CSTL1: variants seen among roughly 807,000 people sequenced by gnomAD.
The protein encoded by CSTL1 is cystatin-like 1.
CSTL1 carries 14 observed loss-of-function variants against 14.4 expected under a neutral mutation model. The observed-to-expected ratio is 0.97, with a 90% confidence interval of 0.64 to 1.52. The LOEUF is 1.52. Ranked by LOEUF, CSTL1 falls within the 40% of genes most tolerant of loss-of-function variation. The pLI is 0.00. For missense variants in CSTL1, 170 were observed against 168.7 expected (o/e 1.01, Z -0.04); for synonymous variants, 72 against 67.5 (o/e 1.07, Z -0.33).
the CSTL1 span, among the ~76,000 whole-genome samples, chr20:23,451,014 A>G: frequency 6.6e-6 from 1 of 151,718 alleles, no homozygotes; most frequent in South Asian, 2.1e-4. Flanking sequence ...CCATCCATTT[A>G]TCCTTCAGTC....
downstream of CSTL1, chr20:23,444,936 C>T: frequency 8.5e-7 from 1 of 1,178,158 alleles, no homozygotes; most frequent in Non-Finnish European, 1.3e-6. Flanking sequence ...GATCATGTCT[C>T]CCTCATTGGG....
intron 2 of CSTL1, 47 bp downstream of exon 2, chr20:23,440,533 A>G (rs1009462768): frequency 2.1e-6 from 3 of 1,412,234 alleles, no homozygotes; most frequent in Admixed American, 1.7e-5. Context: ...TGTTCTTGCC[A>G]GTTCAGACAT....
the CSTL1 span, among the ~76,000 whole-genome samples, chr20:23,456,613 C>G: frequency 6.6e-6 from 1 of 152,198 alleles, no homozygotes; most frequent in Non-Finnish European, 1.5e-5. Flanking sequence ...CCCCTGGCAG[C>G]TGTGCTCATT....
chr20:23,453,232 G>A, the CSTL1 span, among the ~76,000 whole-genome samples: 5 of 151,936 alleles, frequency 3.3e-5, no homozygotes, highest in East Asian at 9.7e-4. Flanking sequence ...GGCACTGTGG[G>A]GAGGGGCCGC....
chr20:23,454,397 T>C, the CSTL1 span, among the ~76,000 whole-genome samples: 82 of 150,700 alleles, frequency 5.4e-4, no homozygotes, highest in African/African-American at 1.7e-3. Context: ...ACAACACACA[T>C]AGACACACCC....
downstream of CSTL1, among the ~76,000 whole-genome samples, chr20:23,447,837 A>AT (rs1400234516): frequency 2.6e-5 from 4 of 152,120 alleles, no homozygotes; most frequent in African/African-American, 7.2e-5. Context: ...GCCTTTAGCT[A>AT]TTTTTTGCTC....
chr20:23,454,569 G>A, the CSTL1 span, among the ~76,000 whole-genome samples: 1 of 152,186 alleles, frequency 6.6e-6, no homozygotes, highest in Non-Finnish European at 1.5e-5. Context: ...TTGATGGAGG[G>A]TTTGGCATCA....
chr20:23,442,709 TG>T (rs976698192), intron 2 of CSTL1, among the ~76,000 whole-genome samples: 4 of 152,118 alleles, frequency 2.6e-5, no homozygotes, highest in African/African-American at 9.7e-5. Context: ...TCCCAGTGTT[TG>T]CTAAGGGTGT....
chr20:23,448,260 G>C (rs905590811), downstream of CSTL1, among the ~76,000 whole-genome samples: 1 of 151,460 alleles, frequency 6.6e-6, no homozygotes, highest in Admixed American at 6.6e-5. Flanking sequence ...ATTTTTTAAA[G>C]TGAACTCTCC....
At chr20:23,453,256 C>T in the CSTL1 span, among the ~76,000 whole-genome samples, 1 of 151,938 alleles carries the variant, frequency 6.6e-6, no homozygotes, top group African/African-American at 2.4e-5. Flanking sequence ...CACCGGAAGC[C>T]ACTCTCCCCC....
chr20:23,448,853 A>C (rs557269723), downstream of CSTL1, among the ~76,000 whole-genome samples: 1 of 152,282 alleles, frequency 6.6e-6, no homozygotes, highest in East Asian at 1.9e-4. Flanking sequence ...CGTGTTAGGC[A>C]CTGTGTTAAG....
chr20:23,450,617 T>G, the CSTL1 span: 1 of 1,562,904 alleles, frequency 6.4e-7, no homozygotes, highest in Non-Finnish European at 8.8e-7. Context: ...GGCAATATTT[T>G]AAAAGACGCC....
At chr20:23,448,265 C>T (rs186914979), downstream of CSTL1, among the ~76,000 whole-genome samples, 422 of 150,822 alleles carry the variant, frequency 2.8e-3, 3 homozygotes, top group Non-Finnish European at 2.8e-3. Context: ...TTAAAGTGAA[C>T]TCTCCCACCC....
chr20:23,443,984 A>G lies in CSTL1; in HGVS notation c.270A>G (p.Lys90=), dbSNP rs756843230. ...TCACTGTGAAGATTGGCTGGACCAA[A>G]TGCAAGAGGAATGACACGAGCAATT... ...YIVTVKIGWT[K]CKRNDTSNSS... Residue 90 remains lysine, a synonymous_variant, in exon 3 of 4, where the codon AAA becomes AAG. Coordinates refer to ENST00000347397, the MANE Select transcript of CSTL1 (RefSeq NM_138283.1). 1 of 1,614,190 alleles carries G rather than the reference A, an allele frequency of 6.2e-7. No individual in the cohort carries two copies. Among genetic ancestry groups the G allele is most frequent in the South Asian group, 1.1e-5 (1 of 91,084 alleles).
chr20:23,454,750 G>T, the CSTL1 span, among the ~76,000 whole-genome samples: 5 of 152,224 alleles, frequency 3.3e-5, no homozygotes, highest in Admixed American at 6.5e-5. Flanking sequence ...TCCCTGAGCG[G>T]CTGTAAGTGG....
At chr20:23,442,094 A>G (rs1427721767) in intron 2 of CSTL1, among the ~76,000 whole-genome samples, 1 of 152,254 alleles carries the variant, frequency 6.6e-6, no homozygotes, top group Non-Finnish European at 1.5e-5. Context: ...TCAATCCATC[A>G]CCATTAAGTT....
chr20:23,445,314 A>G (rs1182731911), downstream of CSTL1, among the ~76,000 whole-genome samples: 4 of 149,796 alleles, frequency 2.7e-5, no homozygotes, highest in South Asian at 2.1e-4. Context: ...AGCCTCCGCT[A>G]AAGTGGAGCT....
intron 2 of CSTL1, among the ~76,000 whole-genome samples, chr20:23,441,650 G>A (rs1321698068): frequency 6.6e-6 from 1 of 152,108 alleles, no homozygotes; most frequent in East Asian, 1.9e-4. Flanking sequence ...TTATTATACT[G>A]TACTGTTTAG....
chr20:23,450,398 C>T, the CSTL1 span: 18 of 675,306 alleles, frequency 2.7e-5, no homozygotes, highest in East Asian at 1.1e-4. Context: ...AGTGGAATCA[C>T]GATCTTAAGA....
Sources: gnomAD v4.1 joint callset for allele counts (sites outside exome capture counted in the v4.1 genomes callset) on GRCh38, gnomAD v4.1.1 for gene constraint, MANE v1.5 for transcripts, NCBI Gene and HGNC (gene_info 2026-07-23, HGNC 2026-07-21) for gene names.